The following HTR2C variants were observed in gnomAD, a reference collection of about 807,000 sequenced individuals.
HTR2C encodes 5-hydroxytryptamine (serotonin) receptor 2C, G protein-coupled.
HTR2C carries 5 observed loss-of-function variants against 21.0 expected under a neutral mutation model. The ratio of observed to expected loss-of-function variants is 0.24; its 90% CI spans 0.12 to 0.50. The LOEUF is 0.50. Among genes scored for constraint, HTR2C ranks in the 20% least tolerant of loss-of-function variants. The pLI is 0.98. For synonymous variants in HTR2C, 150 were observed against 145.3 expected (o/e 1.03, Z -0.23); for missense variants, 271 against 371.2 (o/e 0.73, Z 2.22).
intron 2 of HTR2C, among the ~76,000 whole-genome samples, chrX:114,697,737 T>C (rs180853953): frequency 1.0e-3 from 113 of 112,333 alleles, no homozygotes; most frequent in African/African-American, 3.5e-3. Context: ...TCATCCTCAT[T>C]ACTTCTTCTT....
intron 4 of HTR2C, among the ~76,000 whole-genome samples, chrX:114,844,954 A>C (rs782713167): frequency 3.6e-5 from 4 of 111,866 alleles, no homozygotes; most frequent in Non-Finnish European, 7.5e-5. Context: ...TAATGGACAG[A>C]ACAACAAGAC....
chrX:114,660,508 A>G (rs1322090379), intron 2 of HTR2C, among the ~76,000 whole-genome samples: 1 of 112,036 alleles, frequency 8.9e-6, no homozygotes, highest in Non-Finnish European at 1.9e-5. Context: ...CATCCATAGA[A>G]AATTTGCGTT....
At chrX:114,784,283 G>T (rs1342979850) in intron 4 of HTR2C, among the ~76,000 whole-genome samples, 1 of 110,830 alleles carries the variant, frequency 9.0e-6, no homozygotes, top group Non-Finnish European at 1.9e-5. Context: ...ATAACAAAAG[G>T]ATATTATAAA....
intron 2 of HTR2C, among the ~76,000 whole-genome samples, chrX:114,726,057 C>T (rs1401545184): frequency 8.0e-4 from 89 of 111,724 alleles, no homozygotes; most frequent in African/African-American, 2.2e-3. Flanking sequence ...TTCGAGCTTC[C>T]GGGCTGCTTT....
intron 2 of HTR2C, among the ~76,000 whole-genome samples, chrX:114,648,528 G>C (rs1291375645): frequency 9.0e-6 from 1 of 111,343 alleles, no homozygotes; most frequent in African/African-American, 3.3e-5. Flanking sequence ...AGGTGTTTAA[G>C]ACCAGCCTAG....
intron 4 of HTR2C, among the ~76,000 whole-genome samples, chrX:114,826,340 A>G (rs781961790): frequency 7.2e-5 from 8 of 111,592 alleles, no homozygotes; most frequent in Middle Eastern, 4.6e-3. Context: ...TGCTGAGATT[A>G]CAGGCATGAG....
rs1012169811 is a variant in HTR2C at position 114,609,959 on chromosome X, C to T, written c.-146-3856C>T. Among the ~76,000 whole-genome samples, 4 of 111,591 alleles carry T rather than the reference C, an allele frequency of 3.6e-5. No individual in the cohort carries two copies. In the East Asian group the frequency reaches 8.5e-4, roughly 24 times the overall value. On this transcript the variant is annotated intron_variant, in intron 1 of 5. Transcript: ENST00000276198. The stretch of plus-strand genomic sequence containing the variant: ...TGTTTTCATCACAGTGGCAATTACA[C>T]GGGTGTAAACATTCATCAAAAGTGG...
intron 4 of HTR2C, among the ~76,000 whole-genome samples, chrX:114,770,249 T>C (rs782382684): frequency 8.9e-6 from 1 of 112,100 alleles, no homozygotes; most frequent in African/African-American, 3.2e-5. Context: ...TAAATTAGTG[T>C]CTTCTATCAA....
At chrX:114,847,211 G>C (rs2070879998) in intron 4 of HTR2C, among the ~76,000 whole-genome samples, 1 of 109,494 alleles carries the variant, frequency 9.1e-6, no homozygotes, top group South Asian at 4.0e-4. Context: ...CCATAGACTG[G>C]ATTAAGAAAA....
intron 5 of HTR2C, among the ~76,000 whole-genome samples, chrX:114,901,600 T>C (rs916650246): frequency 5.3e-5 from 6 of 112,225 alleles, no homozygotes; most frequent in Non-Finnish European, 1.1e-4. Context: ...AAGACTCTTA[T>C]ATGTTTACTG....
chrX:114,792,732 C>A (rs2070246870), intron 4 of HTR2C, among the ~76,000 whole-genome samples: 1 of 111,721 alleles, frequency 9.0e-6, no homozygotes, highest in Admixed American at 9.5e-5. Context: ...TCATTCCCAC[C>A]AACAGTGTAA....
At chrX:114,851,459 G>A (rs1388367752) in intron 5 of HTR2C, among the ~76,000 whole-genome samples, 1 of 111,698 alleles carries the variant, frequency 9.0e-6, no homozygotes, top group Non-Finnish European at 1.9e-5. Context: ...CAAATCCATT[G>A]ATGATTCTTC....
At chrX:114,867,704 A>G (rs2071057044) in intron 5 of HTR2C, among the ~76,000 whole-genome samples, 1 of 111,871 alleles carries the variant, frequency 8.9e-6, no homozygotes, top group Non-Finnish European at 1.9e-5. Context: ...ACAGGGGTCT[A>G]GTTCTATTAT....
chrX:114,837,174 T>G (rs782355162), intron 4 of HTR2C, among the ~76,000 whole-genome samples: 21 of 112,020 alleles, frequency 1.9e-4, no homozygotes, highest in Non-Finnish European at 3.8e-4. Flanking sequence ...TGATACATCT[T>G]CAAGCTTTAT....
intron 2 of HTR2C, among the ~76,000 whole-genome samples, chrX:114,675,494 G>A (rs1931520923): frequency 8.9e-6 from 1 of 112,251 alleles, no homozygotes; most frequent in Non-Finnish European, 1.9e-5. Flanking sequence ...TATATCCACA[G>A]GGTAGAAAGG....
intron 1 of HTR2C, among the ~76,000 whole-genome samples, chrX:114,605,148 A>ATTT (rs1928350170): frequency 8.9e-6 from 1 of 111,765 alleles, no homozygotes; most frequent in African/African-American, 3.3e-5. Context: ...CTGATTTGGG[A>ATTT]TAAAGAAAAA....
intron 2 of HTR2C, among the ~76,000 whole-genome samples, chrX:114,664,171 G>GGGGGT (rs1556410595): frequency 8.9e-6 from 1 of 111,763 alleles, no homozygotes; most frequent in Non-Finnish European, 1.9e-5. Flanking sequence ...AATCACTATG[G>GGGGGT]CTGCCACTGG....
chrX:114,789,086 C>T (rs1476127896), intron 4 of HTR2C, among the ~76,000 whole-genome samples: 1 of 112,154 alleles, frequency 8.9e-6, no homozygotes, highest in African/African-American at 3.2e-5. Context: ...CGAAAAATTA[C>T]AGTTCTCAAG....
intron 5 of HTR2C, among the ~76,000 whole-genome samples, chrX:114,865,786 A>G (rs2071040873): frequency 9.1e-6 from 1 of 110,363 alleles, no homozygotes; most frequent in Non-Finnish European, 1.9e-5. Context: ...ATTTTATTTG[A>G]TGTGTTTATT....
Sources: allele counts gnomAD v4.1 joint callset (sites outside exome capture counted in the v4.1 genomes callset), GRCh38; gene constraint gnomAD v4.1.1; transcripts MANE v1.5; gene names NCBI Gene and HGNC (gene_info 2026-07-23, HGNC 2026-07-21).